LRMDA: variants seen among roughly 807,000 people sequenced by gnomAD.
LRMDA encodes the protein leucine-rich melanocyte differentiation-associated protein.
A neutral mutation model predicts 29.8 loss-of-function variants in LRMDA; 18 were observed. That is an observed-to-expected ratio of 0.60 (90% CI 0.42 to 0.90). LRMDA has a LOEUF of 0.90. Ranked by LOEUF, LRMDA falls within the 40% of genes least tolerant of loss-of-function variation. LRMDA has a pLI of 0.00. For missense variants in LRMDA, 273 were observed against 273.9 expected, an observed-to-expected ratio of 1.00 and a Z score of 0.02; for synonymous variants, 125 against 109.4, an observed-to-expected ratio of 1.14 and a Z score of -0.89.
At position 75,605,283 on chromosome 10, in the gene LRMDA, A is replaced by G. The variant is rs1160008653; in HGVS notation, c.131+166789A>G. Among the ~76,000 whole-genome samples the G allele has an allele frequency of 2.0e-5, 3 of 152,114 alleles. 1 individual carries two copies. Among genetic ancestry groups the G allele is most frequent in the Admixed American group, 2.0e-4 (3 of 15,268 alleles). ...TGAATGTCTCCCTGACGCTGGTTGG[A>G]TTTTTGATAGCTCAGATGATAGGAG... On this transcript the variant is annotated intron_variant, in intron 2 of 6. Transcript: ENST00000611255.
At chr10:75,829,841 CTTTTTTT>C (rs34025294) in intron 2 of LRMDA, among the ~76,000 whole-genome samples, 3 of 89,450 alleles carry the variant, frequency 3.4e-5, no homozygotes, top group Non-Finnish European at 4.4e-5. Flanking sequence ...GAATAGGCCA[CTTTTTTT>C]TTTTTTTTTT....
chr10:75,787,047 C>T (rs1257828307), intron 2 of LRMDA, among the ~76,000 whole-genome samples: 1 of 152,250 alleles, frequency 6.6e-6, no homozygotes, highest in Admixed American at 6.5e-5. Flanking sequence ...TTTGTCTGTG[C>T]TGTCGCCAAG....
At chr10:76,528,332 A>AAGTGAT (rs1317836635) in intron 6 of LRMDA, among the ~76,000 whole-genome samples, 1 of 152,162 alleles carries the variant, frequency 6.6e-6, no homozygotes, top group Non-Finnish European at 1.5e-5. Flanking sequence ...TATAGTATTC[A>AAGTGAT]AGTGATGGTT....
intron 6 of LRMDA, among the ~76,000 whole-genome samples, chr10:76,550,165 G>T (rs191149515): frequency 6.6e-6 from 1 of 152,252 alleles, no homozygotes; most frequent in Non-Finnish European, 1.5e-5. Flanking sequence ...AATAGAAATG[G>T]TTTTTTGTAT....
intron 6 of LRMDA, among the ~76,000 whole-genome samples, chr10:76,348,931 G>A (rs570650295): frequency 6.6e-6 from 1 of 152,202 alleles, no homozygotes; most frequent in Non-Finnish European, 1.5e-5. Flanking sequence ...TCAGCATAAG[G>A]CTTGCACAAA....
intron 2 of LRMDA, among the ~76,000 whole-genome samples, chr10:75,988,121 G>A (rs543483011): frequency 2.6e-4 from 40 of 152,142 alleles, no homozygotes; most frequent in Non-Finnish European, 5.4e-4. Context: ...TGTTGTGTTT[G>A]CCACTTGCGC....
At chr10:75,934,729 T>C (rs1032410833) in intron 2 of LRMDA, among the ~76,000 whole-genome samples, 3 of 152,144 alleles carry the variant, frequency 2.0e-5, no homozygotes, top group African/African-American at 7.2e-5. Flanking sequence ...CAGTTTCCTG[T>C]TCATCTGGGA....
intron 2 of LRMDA, among the ~76,000 whole-genome samples, chr10:75,515,741 C>T (rs568096355): frequency 5.9e-5 from 9 of 151,908 alleles, no homozygotes; most frequent in South Asian, 2.1e-4. Flanking sequence ...CTAGGGTACA[C>T]GTGCACAATG....
intron 2 of LRMDA, among the ~76,000 whole-genome samples, chr10:75,440,238 A>C (rs1844312017): frequency 6.8e-6 from 1 of 146,746 alleles, no homozygotes; most frequent in South Asian, 2.3e-4. Flanking sequence ...AGATGCAGGA[A>C]AATTTCGTAA....
At chr10:75,660,127 G>A (rs1841732685) in intron 2 of LRMDA, among the ~76,000 whole-genome samples, 1 of 151,852 alleles carries the variant, frequency 6.6e-6, no homozygotes, top group Non-Finnish European at 1.5e-5. Flanking sequence ...GAAGGTACAG[G>A]ATACACCTTT....
At chr10:76,392,684 T>A (rs981283834) in intron 6 of LRMDA, among the ~76,000 whole-genome samples, 16 of 152,274 alleles carry the variant, frequency 1.1e-4, no homozygotes, top group African/African-American at 3.9e-4. Flanking sequence ...TATTATTTTT[T>A]TTTGTAGTGA....
intron 5 of LRMDA, among the ~76,000 whole-genome samples, chr10:76,124,453 G>T (rs1849843146): frequency 6.6e-6 from 1 of 152,214 alleles, no homozygotes; most frequent in Admixed American, 6.5e-5. Context: ...CTGTTTAAAT[G>T]TCACCACTCT....
At chr10:76,127,681 G>T (rs939398062) in intron 5 of LRMDA, among the ~76,000 whole-genome samples, 2 of 149,072 alleles carry the variant, frequency 1.3e-5, no homozygotes, top group African/African-American at 2.5e-5. Context: ...AAAAGCTTGG[G>T]AGGAAAAAAA....
chr10:75,884,636 A>G (rs1299690688), intron 2 of LRMDA, among the ~76,000 whole-genome samples: 3 of 152,202 alleles, frequency 2.0e-5, no homozygotes, highest in Admixed American at 6.5e-5. Flanking sequence ...TTTCCTTATT[A>G]CATGAACCTG....
intron 2 of LRMDA, among the ~76,000 whole-genome samples, chr10:75,765,761 G>C (rs1843155647): frequency 6.6e-6 from 1 of 151,776 alleles, no homozygotes. Context: ...AGCCACCTTC[G>C]CCTCTTCCCC....
chr10:75,508,557 C>A (rs1220843292), intron 2 of LRMDA, among the ~76,000 whole-genome samples: 1 of 152,174 alleles, frequency 6.6e-6, no homozygotes, highest in East Asian at 1.9e-4. Context: ...GGCCAGACAT[C>A]ATTTTAATGG....
At chr10:76,330,654 T>G (rs879871366) in intron 6 of LRMDA, among the ~76,000 whole-genome samples, 1 of 152,192 alleles carries the variant, frequency 6.6e-6, no homozygotes, top group Admixed American at 6.5e-5. Flanking sequence ...CAGAGAGACC[T>G]TGCTTCTGAG....
intron 6 of LRMDA, among the ~76,000 whole-genome samples, chr10:76,459,834 T>C (rs1352265491): frequency 6.6e-6 from 1 of 152,156 alleles, no homozygotes; most frequent in Admixed American, 6.5e-5. Flanking sequence ...TGTTAATATG[T>C]ATACATGTGC....
intron 2 of LRMDA, among the ~76,000 whole-genome samples, chr10:75,910,575 T>C (rs1247260897): frequency 1.3e-5 from 2 of 152,300 alleles, no homozygotes; most frequent in South Asian, 2.1e-4. Context: ...TAGGACTCTA[T>C]GTAATGTAAA....
Sources: allele counts gnomAD v4.1 joint callset (sites outside exome capture counted in the v4.1 genomes callset), GRCh38; gene constraint gnomAD v4.1.1; transcripts MANE v1.5; gene names NCBI Gene and HGNC (gene_info 2026-07-23, HGNC 2026-07-21).